The following NPAS3 variants were observed in gnomAD, a reference collection of about 807,000 sequenced individuals.
The protein encoded by NPAS3 is neuronal PAS domain-containing protein 3.
In NPAS3, 14 loss-of-function variants were observed where a neutral mutation model predicts 73.1. The observed-to-expected ratio is 0.19, with a 90% CI of 0.13 to 0.30. NPAS3 has a LOEUF of 0.30. Ranked by LOEUF, NPAS3 falls within the 10% of genes least tolerant of loss-of-function variation. The probability of loss-of-function intolerance (pLI) is 1.00; values close to 1 mark genes in which losing one functional copy is unlikely to be tolerated. For synonymous variants in NPAS3, 620 were observed against 541.5 expected, an observed-to-expected ratio of 1.14 and a Z score of -2.01; for missense variants, 1,096 against 1,250.0, an observed-to-expected ratio of 0.88 and a Z score of 1.86.
At chr14:33,579,379 G>A (rs934280941) in intron 5 of NPAS3, among the ~76,000 whole-genome samples, 1 of 152,170 alleles carries the variant, frequency 6.6e-6, no homozygotes, top group Non-Finnish European at 1.5e-5. Flanking sequence ...GATTTGGGAT[G>A]GGCAGTTGAA....
chr14:33,037,665 C>T (rs979526095), intron 1 of NPAS3, among the ~76,000 whole-genome samples: 9 of 151,502 alleles, frequency 5.9e-5, no homozygotes, highest in East Asian at 1.9e-4. Flanking sequence ...GACCCTGTCT[C>T]GAAAAAGAAG....
intron 2 of NPAS3, among the ~76,000 whole-genome samples, chr14:33,093,030 A>T (rs2042282361): frequency 6.6e-6 from 1 of 152,238 alleles, no homozygotes; most frequent in Admixed American, 6.5e-5. Context: ...AAGAAAACCT[A>T]GGTAATACCA....
chr14:33,769,745 ATTTTTTTTTTCTTT>A lies in NPAS3; in HGVS notation c.853-4581_853-4568del, dbSNP rs1332615983. 3.9e-5 allele frequency among the ~76,000 whole-genome samples: 4 copies of A among 103,354 alleles called. No individual in the cohort carries two copies. In the East Asian group the frequency reaches 1.1e-3, roughly 29 times the overall value. 67.8% of individuals were successfully genotyped at this position (103,354 alleles called of 152,430 possible). On this transcript the variant is annotated intron_variant, in intron 7 of 11. Transcript: ENST00000356141. The stretch of plus-strand genomic sequence containing the variant: ...CTCCAACCAGCCCTGAAAGACTTGG[ATTTTTTTTTTCTTT>A]TTTTTTTTTTTTTTTTTTTTTTTGA...
At chr14:33,340,203 A>AT (rs541258933) in intron 3 of NPAS3, among the ~76,000 whole-genome samples, 1 of 152,264 alleles carries the variant, frequency 6.6e-6, no homozygotes, top group East Asian at 1.9e-4. Context: ...AAGTATCAAT[A>AT]TTTTTTCCTG....
intron 3 of NPAS3, among the ~76,000 whole-genome samples, chr14:33,298,006 G>T (rs1052561393): frequency 1.9e-4 from 29 of 152,182 alleles, no homozygotes; most frequent in African/African-American, 7.0e-4. Flanking sequence ...TGAAGGCCAG[G>T]TGCGGTGGCG....
Position 33,197,234 on chromosome 14 carries a change from A to G in NPAS3, c.141-17948A>G, listed in dbSNP as rs535345505. ...TGTCTGCTCTGGGATGCACTCCAGC[A>G]GGCTGTGTGTGTGTGTGTGTGTGTG... is the stretch of plus-strand genomic sequence containing the variant. On this transcript the variant is annotated intron_variant, in intron 2 of 11. Transcript: ENST00000356141. Among the ~76,000 whole-genome samples, 49 of 31,106 alleles carry G rather than the reference A, an allele frequency of 1.6e-3. No individual in the cohort carries two copies. The South Asian group carries it at 0.045, about 29-fold the overall frequency. 20.4% of individuals were successfully genotyped at this position (31,106 alleles called of 152,430 possible).
chr14:33,450,769 T>C (rs2049755731), intron 4 of NPAS3, among the ~76,000 whole-genome samples: 1 of 152,232 alleles, frequency 6.6e-6, no homozygotes, highest in Admixed American at 6.5e-5. Context: ...TTTACTCGAC[T>C]CTCTTCATCT....
chr14:33,082,875 T>C (rs992366603), intron 2 of NPAS3, among the ~76,000 whole-genome samples: 1 of 152,128 alleles, frequency 6.6e-6, no homozygotes, highest in African/African-American at 2.4e-5. Flanking sequence ...TTATAGCTGT[T>C]ATTATTCAAA....
chr14:33,594,738 C>A (rs767951490), intron 5 of NPAS3, among the ~76,000 whole-genome samples: 2 of 152,188 alleles, frequency 1.3e-5, no homozygotes, highest in East Asian at 1.9e-4. Context: ...GAGAGAGTTG[C>A]GGGATTTTTC....
chr14:33,267,163 T>C (rs147147726), intron 3 of NPAS3, among the ~76,000 whole-genome samples: 9 of 152,326 alleles, frequency 5.9e-5, no homozygotes, highest in South Asian at 2.1e-4. Flanking sequence ...ACAATTCACA[T>C]TGTATAATTT....
chr14:33,233,251 A>G lies in NPAS3; in HGVS notation c.385+17825A>G, dbSNP rs570428912. Among the ~76,000 whole-genome samples, 105 of 152,274 alleles carry G rather than the reference A, an allele frequency of 6.9e-4. No homozygotes were observed. In the Middle Eastern group the frequency reaches 0.017, roughly 25 times the overall value. On this transcript the variant is annotated intron_variant, in intron 3 of 11. Transcript: ENST00000356141. ...AAATTTCACAAACAATGAACCCCGA[A>G]TGCTATAAATTAACTTTATTTACTG... is the stretch of plus-strand genomic sequence containing the variant.
At chr14:33,654,889 T>G (rs2059099269) in intron 5 of NPAS3, among the ~76,000 whole-genome samples, 1 of 152,212 alleles carries the variant, frequency 6.6e-6, no homozygotes, top group Non-Finnish European at 1.5e-5. Context: ...CACGTGTTCC[T>G]GATTACAAAG....
intron 6 of NPAS3, among the ~76,000 whole-genome samples, chr14:33,694,108 C>A (rs553943640): frequency 8.6e-4 from 131 of 152,160 alleles, no homozygotes; most frequent in African/African-American, 3.0e-3. Context: ...TGTATCAGTG[C>A]AAGGCTCTGA....
At chr14:33,527,788 C>A (rs547840689) in intron 4 of NPAS3, among the ~76,000 whole-genome samples, 1 of 152,084 alleles carries the variant, frequency 6.6e-6, no homozygotes, top group African/African-American at 2.4e-5. Flanking sequence ...TCCTAGTGGG[C>A]AAGTGCTGGG....
intron 3 of NPAS3, among the ~76,000 whole-genome samples, chr14:33,255,825 G>T (rs1351205550): frequency 6.6e-6 from 1 of 152,044 alleles, no homozygotes; most frequent in Non-Finnish European, 1.5e-5. Flanking sequence ...ATTGATGGTC[G>T]ACCGATTAAC....
At chr14:33,752,598 T>G (rs2061996047) in intron 7 of NPAS3, among the ~76,000 whole-genome samples, 1 of 152,242 alleles carries the variant, frequency 6.6e-6, no homozygotes, top group South Asian at 2.1e-4. Flanking sequence ...AGTCACTTTA[T>G]AGACATATGC....
At chr14:33,789,891 G>C (rs2063306439) in intron 9 of NPAS3, among the ~76,000 whole-genome samples, 2 of 152,300 alleles carry the variant, frequency 1.3e-5, no homozygotes, top group East Asian at 1.9e-4. Context: ...GCCCGGCCTA[G>C]AGTACAACTT....
chr14:33,566,435 G>A (rs970681337), intron 5 of NPAS3, among the ~76,000 whole-genome samples: 7 of 151,986 alleles, frequency 4.6e-5, no homozygotes, highest in African/African-American at 9.7e-5. Flanking sequence ...TGAACTGCTC[G>A]TTCTTCCCCC....
rs888639719 is a variant in NPAS3 at position 33,219,813 on chromosome 14, A to G, written c.385+4387A>G. 1.2e-4 allele frequency among the ~76,000 whole-genome samples: 18 copies of G among 152,168 alleles called. No homozygotes were observed. The East Asian group carries it at 3.1e-3, about 26-fold the overall frequency. The stretch of plus-strand genomic sequence containing the variant: ...AACTACTGTTATAATATTGTCCCCC[A>G]AAATTAGATAGCATTTTATAAAATG... On this transcript the variant is annotated intron_variant, in intron 3 of 11. Transcript: ENST00000356141.
Sources: gnomAD v4.1 joint callset for allele counts (sites outside exome capture counted in the v4.1 genomes callset) on GRCh38, gnomAD v4.1.1 for gene constraint, MANE v1.5 for transcripts, NCBI Gene and HGNC (gene_info 2026-07-23, HGNC 2026-07-21) for gene names.